Variants in ZFAND3 observed in about 807,000 individuals in gnomAD.
ZFAND3 encodes the protein zinc finger AN1-type containing 3.
Under a neutral mutation model 29.6 loss-of-function variants are expected in ZFAND3, and 10 were observed. The observed-to-expected ratio is 0.34, with a 90% confidence interval of 0.21 to 0.57. ZFAND3 has a LOEUF of 0.57. ZFAND3 is among the 20% of genes least tolerant of loss of function. ZFAND3 has a pLI of 0.86. For missense variants in ZFAND3, 230 were observed against 304.5 expected (o/e 0.76, Z 1.82); for synonymous variants, 128 against 112.6 (o/e 1.14, Z -0.87).
intron 2 of ZFAND3, among the ~76,000 whole-genome samples, chr6:37,988,341 C>T (rs148671057): frequency 8.1e-4 from 123 of 152,296 alleles, no homozygotes; most frequent in African/African-American, 2.8e-3. Context: ...TATGTATCTC[C>T]AGTTTGACCT....
chr6:37,840,482 A>G (rs759690470), intron 1 of ZFAND3, among the ~76,000 whole-genome samples: 2 of 152,238 alleles, frequency 1.3e-5, no homozygotes, highest in Non-Finnish European at 2.9e-5. Flanking sequence ...GAAACCAGGA[A>G]TTGTGTGACT....
intron 1 of ZFAND3, among the ~76,000 whole-genome samples, chr6:37,824,973 T>C (rs1763733017): frequency 6.6e-6 from 1 of 152,248 alleles, no homozygotes; most frequent in South Asian, 2.1e-4. Context: ...TGATTTGTTT[T>C]ATTCCACTTT....
rs34406765 is a variant in ZFAND3, at chr6:38,091,691, CTTTTTT to C, written c.361+9245_361+9250del. Among the ~76,000 whole-genome samples, 3 of 129,870 alleles carry C rather than the reference CTTTTTT, an allele frequency of 2.3e-5. No individual in the cohort carries two copies. The Admixed American group carries it at 2.4e-4, about 10-fold the overall frequency. The allele number at this position is 129,870 out of a possible 152,430, so 85.2% of individuals were successfully genotyped here. ...GCAATGATACTGCCCATTAAGGAGC[CTTTTTT>C]TTTTTTTTTTGCCCCACTCAGTTCC... On this transcript the variant is annotated intron_variant, in intron 4 of 5. Transcript: ENST00000287218.
In ZFAND3 at chr6:38,117,425, G is replaced by A. The variant is rs909025604; in HGVS notation, c.529+686G>A. On this transcript the variant is annotated intron_variant, in intron 5 of 5. Coordinates refer to ENST00000287218, the MANE Select transcript of ZFAND3 (RefSeq NM_021943.3). ...AATACCTTTTAGAATTGCTGCACAGGGATGCCTACCCACAGTGGAATGAAA... is the reference window on the plus strand; with the variant it reads ...AATACCTTTTAGAATTGCTGCACAGAGATGCCTACCCACAGTGGAATGAAA... 2.0e-5 allele frequency among the ~76,000 whole-genome samples: 3 copies of A among 151,876 alleles called. No individual in the cohort carries two copies. The South Asian group carries it at 6.2e-4, about 32-fold the overall frequency.
chr6:38,108,104 G>C (rs971439554), intron 4 of ZFAND3, among the ~76,000 whole-genome samples: 2 of 152,090 alleles, frequency 1.3e-5, no homozygotes, highest in Non-Finnish European at 2.9e-5. Flanking sequence ...ATTAAATATT[G>C]TGTGACATTG....
intron 2 of ZFAND3, among the ~76,000 whole-genome samples, chr6:37,950,350 C>A (rs1761975211): frequency 3.0e-5 from 1 of 33,032 alleles, no homozygotes. Flanking sequence ...AATTGGGAGT[C>A]CTTTTTCCAT....
chr6:38,116,162 G>T (rs770784875), intron 4 of ZFAND3, among the ~76,000 whole-genome samples: 1 of 152,098 alleles, frequency 6.6e-6, no homozygotes, highest in African/African-American at 2.4e-5. Flanking sequence ...AAAGAATTAC[G>T]GTCTACTTGA....
intron 1 of ZFAND3, among the ~76,000 whole-genome samples, chr6:37,904,738 A>T (rs1195198956): frequency 6.6e-6 from 1 of 152,198 alleles, no homozygotes; most frequent in Non-Finnish European, 1.5e-5. Flanking sequence ...TTAGTGACTC[A>T]TGTCCCTGCT....
intron 1 of ZFAND3, among the ~76,000 whole-genome samples, chr6:37,847,158 A>G (rs1382597302): frequency 6.6e-6 from 1 of 152,198 alleles, no homozygotes; most frequent in Non-Finnish European, 1.5e-5. Flanking sequence ...AGTTTGATTT[A>G]TATCACCCGT....
intron 2 of ZFAND3, among the ~76,000 whole-genome samples, chr6:38,050,824 C>T (rs552294683): frequency 6.6e-6 from 1 of 152,230 alleles, no homozygotes; most frequent in South Asian, 2.1e-4. Flanking sequence ...TTAAGCTGAA[C>T]ATTTGCAAGT....
chr6:38,131,680 C>CA (rs1319808592), intron 5 of ZFAND3, among the ~76,000 whole-genome samples: 2 of 152,188 alleles, frequency 1.3e-5, no homozygotes, highest in Non-Finnish European at 2.9e-5. Context: ...TTGCCAGACT[C>CA]AAAAAATCTC....
At chr6:38,024,595 T>G (rs1315767584) in intron 2 of ZFAND3, among the ~76,000 whole-genome samples, 3 of 152,200 alleles carry the variant, frequency 2.0e-5, no homozygotes, top group Non-Finnish European at 4.4e-5. Flanking sequence ...TGGTGGTATA[T>G]CCATACAGTG....
chr6:38,032,342 G>A (rs1763577878), intron 2 of ZFAND3, among the ~76,000 whole-genome samples: 1 of 152,216 alleles, frequency 6.6e-6, no homozygotes, highest in African/African-American at 2.4e-5. Flanking sequence ...CATTGAATAT[G>A]TCAGTTGTTT....
intron 4 of ZFAND3, among the ~76,000 whole-genome samples, chr6:38,102,959 G>A (rs577792094): frequency 4.6e-5 from 7 of 152,278 alleles, no homozygotes; most frequent in Non-Finnish European, 1.0e-4. Flanking sequence ...GTTTCACCAT[G>A]TTGGCCAGGC....
intron 2 of ZFAND3, among the ~76,000 whole-genome samples, chr6:38,047,417 A>G (rs1010283101): frequency 2.0e-5 from 3 of 152,074 alleles, no homozygotes; most frequent in African/African-American, 4.8e-5. Flanking sequence ...AGAATATAGT[A>G]TCTTTATTCC....
intron 1 of ZFAND3, among the ~76,000 whole-genome samples, chr6:37,830,025 T>G (rs1763831908): frequency 1.3e-5 from 2 of 152,246 alleles, no homozygotes; most frequent in African/African-American, 4.8e-5. Flanking sequence ...TTATATATTC[T>G]AATATGATAG....
At chr6:38,086,653 T>G (rs1000566006) in intron 4 of ZFAND3, among the ~76,000 whole-genome samples, 1 of 152,210 alleles carries the variant, frequency 6.6e-6, no homozygotes, top group Non-Finnish European at 1.5e-5. Context: ...AACCGTCAAG[T>G]TATACCTTCA....
intron 5 of ZFAND3, 38 bp downstream of exon 5, chr6:38,116,777 C>T (rs753513991): frequency 3.2e-6 from 5 of 1,586,402 alleles, no homozygotes; most frequent in African/African-American, 2.7e-5. Context: ...GAGACTATAT[C>T]CTTAACACCT....
At chr6:37,863,999 T>G (rs1281782426) in intron 1 of ZFAND3, among the ~76,000 whole-genome samples, 1 of 152,278 alleles carries the variant, frequency 6.6e-6, no homozygotes, top group East Asian at 1.9e-4. Context: ...ATATGTTGTT[T>G]AGACAGCTTT....
Sources: allele counts gnomAD v4.1 joint callset (sites outside exome capture counted in the v4.1 genomes callset), GRCh38; gene constraint gnomAD v4.1.1; transcripts MANE v1.5; gene names NCBI Gene and HGNC (gene_info 2026-07-23, HGNC 2026-07-21).